PTPRD: variants seen among roughly 807,000 people sequenced by gnomAD.
PTPRD encodes the protein protein tyrosine phosphatase receptor type D, also known as receptor-type tyrosine-protein phosphatase delta.
Under a neutral mutation model 214.5 loss-of-function variants are expected in PTPRD, and 34 were observed. That is an observed-to-expected ratio of 0.16 (90% CI 0.12 to 0.21). The LOEUF is 0.21. Among genes scored for constraint, PTPRD ranks in the 10% least tolerant of loss-of-function variants. The probability of loss-of-function intolerance (pLI) is 1.00; values close to 1 mark genes in which losing one functional copy is unlikely to be tolerated. For missense variants in PTPRD, 2,545 were observed against 2,398.7 expected, an observed-to-expected ratio of 1.06 and a Z score of -1.27; for synonymous variants, 1,128 against 845.7, an observed-to-expected ratio of 1.33 and a Z score of -5.79.
At chr9:8,686,020 G>A (rs543343570) in intron 12 of PTPRD, among the ~76,000 whole-genome samples, 1 of 152,280 alleles carries the variant, frequency 6.6e-6, no homozygotes, top group Admixed American at 6.5e-5. Context: ...AAAGACAAGT[G>A]TTCTCATCTG....
intron 12 of PTPRD, among the ~76,000 whole-genome samples, chr9:8,693,923 A>C (rs1033729402): frequency 2.6e-5 from 4 of 152,194 alleles, no homozygotes; most frequent in African/African-American, 9.6e-5. Flanking sequence ...TAAATGCTAG[A>C]TTGAGAAGCA....
chr9:8,886,553 T>A (rs1311350515), intron 11 of PTPRD, among the ~76,000 whole-genome samples: 3 of 152,200 alleles, frequency 2.0e-5, no homozygotes, highest in Non-Finnish European at 4.4e-5. Context: ...ATGGGGACAT[T>A]TACTTGATTT....
chr9:9,623,805 G>A (rs77349553), intron 7 of PTPRD, among the ~76,000 whole-genome samples: 2,178 of 152,290 alleles, frequency 0.014, 48 homozygotes, highest in African/African-American at 0.05. Context: ...AAACAAGTCA[G>A]TGGATTTAAA....
chr9:9,175,073 C>A (rs2099923820), intron 10 of PTPRD, among the ~76,000 whole-genome samples: 1 of 152,096 alleles, frequency 6.6e-6, no homozygotes, highest in Non-Finnish European at 1.5e-5. Context: ...TGATCCCTCA[C>A]CAGACACCAA....
intron 14 of PTPRD, among the ~76,000 whole-genome samples, chr9:8,579,455 T>C (rs2092820259): frequency 1.3e-5 from 2 of 152,120 alleles, no homozygotes; most frequent in African/African-American, 4.8e-5. Flanking sequence ...AACTGGTGAC[T>C]GTTCATTCAT....
rs181428366 is a variant in PTPRD, at chr9:10,037,920, T to C, written c.-544-4130A>G. Among the ~76,000 whole-genome samples, 513 of 152,272 alleles carry C rather than the reference T, an allele frequency of 3.4e-3. 3 individuals carry two copies. Among genetic ancestry groups the C allele is most frequent in the Admixed American group, 0.02 (306 of 15,284 alleles). ...ATGTTCTTCATTTTATTTTCAGTAA[T>C]GTTCTCTCAAAAAGTAGTTTAATTT... On this transcript the variant is annotated intron_variant, in intron 3 of 45. Coordinates refer to ENST00000381196, the MANE Select transcript of PTPRD (RefSeq NM_002839.4).
intron 8 of PTPRD, among the ~76,000 whole-genome samples, chr9:9,486,150 CAAAAAAAAAAAAAAAAAAAAA>C (rs71319226): frequency 0.011 from 336 of 30,192 alleles, 12 homozygotes; most frequent in Middle Eastern, 0.071. Context: ...GACTCTCTCT[CAAAAAAAAAAAAAAAAAAAAA>C]AAAAAAAAAA....
chr9:9,874,381 G>A (rs1320058519), intron 5 of PTPRD, among the ~76,000 whole-genome samples: 1 of 152,132 alleles, frequency 6.6e-6, no homozygotes, highest in Non-Finnish European at 1.5e-5. Context: ...TTACATGAGT[G>A]ATGTTATACA....
At chr9:10,130,260 A>C (rs1036841934) in intron 3 of PTPRD, among the ~76,000 whole-genome samples, 7 of 151,832 alleles carry the variant, frequency 4.6e-5, no homozygotes, top group Admixed American at 1.3e-4. Context: ...CCATACAAAT[A>C]CGTGAGCTTC....
At chr9:9,325,061 T>C (rs1969173688) in intron 9 of PTPRD, among the ~76,000 whole-genome samples, 1 of 152,322 alleles carries the variant, frequency 6.6e-6, no homozygotes, top group Middle Eastern at 3.4e-3. Flanking sequence ...ATCTCTGTTT[T>C]GGTACAAGTA....
At chr9:10,430,282 C>G (rs1297442776) in intron 2 of PTPRD, among the ~76,000 whole-genome samples, 1 of 151,806 alleles carries the variant, frequency 6.6e-6, no homozygotes, top group Non-Finnish European at 1.5e-5. Flanking sequence ...CCTTTTATCT[C>G]AAAATTATTT....
At chr9:9,525,623 T>A (rs925395784) in intron 8 of PTPRD, among the ~76,000 whole-genome samples, 2 of 152,112 alleles carry the variant, frequency 1.3e-5, no homozygotes, top group East Asian at 3.9e-4. Flanking sequence ...TTTTTTCAAA[T>A]ACAAGTGATT....
intron 34 of PTPRD, 85 bp from the exon 35 acceptor site, chr9:8,436,774 T>A: frequency 2.8e-6 from 3 of 1,068,726 alleles, no homozygotes; most frequent in Non-Finnish European, 4.2e-6. Context: ...ATACTATAGT[T>A]AGAAATGGCC....
In PTPRD at chr9:10,484,991, C is replaced by T. The variant is rs149476196; in HGVS notation, c.-600+127407G>A. The stretch of plus-strand genomic sequence containing the variant: ...TTTCTTGTAGTAGTTTCATAGTTTA[C>T]GGTCTTAGATTTAAGTGTTTAATCA... On this transcript the variant is annotated intron_variant, in intron 2 of 45. Coordinates refer to ENST00000381196, the MANE Select transcript of PTPRD (RefSeq NM_002839.4). Among the ~76,000 whole-genome samples the T allele has an allele frequency of 1.1e-3, 166 of 151,766 alleles. 1 individual carries two copies. The highest frequency in any genetic ancestry group is 3.6e-3 in the African/African-American group (151 of 41,388).
At chr9:8,709,989 C>G (rs563821925) in intron 12 of PTPRD, among the ~76,000 whole-genome samples, 1 of 152,130 alleles carries the variant, frequency 6.6e-6, no homozygotes, top group Admixed American at 6.5e-5. Flanking sequence ...CGAACAACTA[C>G]GGACAAATTA....
intron 11 of PTPRD, among the ~76,000 whole-genome samples, chr9:8,791,903 C>T (rs2096250550): frequency 6.6e-6 from 1 of 152,106 alleles, no homozygotes; most frequent in South Asian, 2.1e-4. Context: ...CAGGGAATGA[C>T]TGCAATGGAC....
At chr9:8,736,374 C>G (rs920989397) in intron 11 of PTPRD, among the ~76,000 whole-genome samples, 1 of 152,140 alleles carries the variant, frequency 6.6e-6, no homozygotes, top group Non-Finnish European at 1.5e-5. Context: ...CAGAAAATAT[C>G]TGAAAATGAC....
chr9:10,348,916 G>C (rs1345239837), intron 2 of PTPRD, among the ~76,000 whole-genome samples: 2 of 151,940 alleles, frequency 1.3e-5, no homozygotes, highest in Admixed American at 1.3e-4. Context: ...TGTGCCCCAA[G>C]ATTTTTACCT....
chr9:8,532,505 A>T (rs1296773660), intron 14 of PTPRD, among the ~76,000 whole-genome samples: 1 of 152,098 alleles, frequency 6.6e-6, no homozygotes. Flanking sequence ...CACAGGAAAA[A>T]GCAGCTAGCA....
Sources: gnomAD v4.1 joint callset for allele counts (sites outside exome capture counted in the v4.1 genomes callset) on GRCh38, gnomAD v4.1.1 for gene constraint, MANE v1.5 for transcripts, NCBI Gene and HGNC (gene_info 2026-07-23, HGNC 2026-07-21) for gene names.